Variants in DSE observed in about 807,000 individuals in gnomAD.
DSE encodes the protein dermatan-sulfate epimerase.
DSE carries 36 observed loss-of-function variants against 84.4 expected under a neutral mutation model. The ratio of observed to expected loss-of-function variants is 0.43; its 90% CI spans 0.33 to 0.56. DSE has a LOEUF of 0.56. DSE is among the 20% of genes least tolerant of loss of function. The pLI is 0.06. For synonymous variants in DSE, 410 were observed against 430.1 expected (o/e 0.95, Z 0.58); for missense variants, 862 against 1,169.6 (o/e 0.74, Z 3.84).
At chr6:116,421,461 A>AT (rs1230765123) in intron 2 of DSE, among the ~76,000 whole-genome samples, 20 of 76,422 alleles carry the variant, frequency 2.6e-4, no homozygotes, top group South Asian at 9.6e-4. Flanking sequence ...ATATATATAT[A>AT]TATTTTTTTT....
chr6:116,299,574 A>ACT (rs71012329), intron 2 of DSE, among the ~76,000 whole-genome samples: 5 of 121,284 alleles, frequency 4.1e-5, no homozygotes, highest in African/African-American at 1.2e-4. Flanking sequence ...ACACACACAC[A>ACT]TACATATATA....
chr6:116,431,490 C>CATA (rs1783840195), intron 4 of DSE, among the ~76,000 whole-genome samples: 1 of 151,888 alleles, frequency 6.6e-6, no homozygotes. Context: ...GAGTAATATA[C>CATA]GAACTCATCT....
At chr6:116,358,426 A>C (rs1778696249) in intron 2 of DSE, among the ~76,000 whole-genome samples, 1 of 152,204 alleles carries the variant, frequency 6.6e-6, no homozygotes, top group African/African-American at 2.4e-5. Flanking sequence ...TTCTTTAATT[A>C]ATAAAAATCT....
At chr6:116,375,460 C>A in intron 1 of DSE, 1 of 867,542 alleles carries the variant, frequency 1.2e-6, no homozygotes, top group Non-Finnish European at 1.4e-6. Flanking sequence ...GCTATGGTCA[C>A]ACCACTGCAC....
chr6:116,278,463 G>A, intron 2 of DSE: 2 of 1,610,584 alleles, frequency 1.2e-6, no homozygotes, highest in Non-Finnish European at 1.7e-6. Flanking sequence ...CCAAGCACAG[G>A]TCCAGCAGAA....
chr6:116,390,372 A>G (rs77844768), intron 1 of DSE, among the ~76,000 whole-genome samples: 8,379 of 152,094 alleles, frequency 0.055, 343 homozygotes, highest in Admixed American at 0.13. Flanking sequence ...CTGGCCCATA[A>G]TTCCTGGATT....
At chr6:116,267,133 A>G (rs980960492) in intron 2 of DSE, among the ~76,000 whole-genome samples, 8 of 152,262 alleles carry the variant, frequency 5.3e-5, no homozygotes, top group Non-Finnish European at 1.2e-4. Flanking sequence ...TTGATAAAAC[A>G]TAAATGACTA....
At chr6:116,339,314 CTTTTT>C (rs59525124) in intron 2 of DSE, among the ~76,000 whole-genome samples, 1 of 145,738 alleles carries the variant, frequency 6.9e-6, no homozygotes, top group Non-Finnish European at 1.5e-5. Flanking sequence ...TTCTTCCTTT[CTTTTT>C]TTTTTTTAAT....
intron 2 of DSE, among the ~76,000 whole-genome samples, chr6:116,285,595 C>CA (rs1773847290): frequency 6.6e-6 from 1 of 152,156 alleles, no homozygotes; most frequent in African/African-American, 2.4e-5. Flanking sequence ...AATCCTTGCC[C>CA]ATGCCTATGT....
At chr6:116,411,834 T>C (rs937994478) in intron 2 of DSE, among the ~76,000 whole-genome samples, 5 of 152,330 alleles carry the variant, frequency 3.3e-5, no homozygotes, top group South Asian at 2.1e-4. Context: ...AACCTGTAAC[T>C]TGGTCAGAGA....
intron 2 of DSE, among the ~76,000 whole-genome samples, chr6:116,343,922 C>T (rs1461844719): frequency 6.6e-6 from 1 of 152,110 alleles, no homozygotes; most frequent in Non-Finnish European, 1.5e-5. Context: ...CTAGAATAAA[C>T]AGTGTAGAGA....
At chr6:116,381,793 T>C (rs1780241066) in intron 1 of DSE, among the ~76,000 whole-genome samples, 1 of 152,208 alleles carries the variant, frequency 6.6e-6, no homozygotes, top group Admixed American at 6.5e-5. Flanking sequence ...AGGACTCTAT[T>C]AGTTATCTGC....
At chr6:116,413,149 A>T (rs1425265426) in intron 2 of DSE, among the ~76,000 whole-genome samples, 1 of 152,172 alleles carries the variant, frequency 6.6e-6, no homozygotes. Flanking sequence ...ATAGTAGTGC[A>T]GTGGACGCAC....
chr6:116,353,098 CTA>C (rs1390571977), intron 2 of DSE, among the ~76,000 whole-genome samples: 5 of 152,144 alleles, frequency 3.3e-5, no homozygotes, highest in African/African-American at 1.2e-4. Context: ...TGTTAGCTAA[CTA>C]TTAAAATCTA....
chr6:116,437,345 G>A lies in DSE; in HGVS notation c.2877G>A (p.Ter959=). The change falls in exon 6 of 6, where the codon TAG becomes TAA. Residue 959 remains the stop codon, a stop_retained_variant. Transcript: ENST00000644252. ...CTTCTTGTTCCCAATCACAGTGTTAGCACTGAAGCTATAAATTACCTGGTC... is the reference window on the plus strand; with the variant it reads ...CTTCTTGTTCCCAATCACAGTGTTAACACTGAAGCTATAAATTACCTGGTC... ...LYSSCSQSQC[*] The A allele has an allele frequency of 6.3e-7, 1 of 1,577,736 alleles. No individual in the cohort carries two copies. The highest frequency in any genetic ancestry group is 8.6e-7 in the Non-Finnish European group (1 of 1,163,870).
chr6:116,379,821 A>T (rs569883480), intron 1 of DSE, among the ~76,000 whole-genome samples: 1 of 152,278 alleles, frequency 6.6e-6, no homozygotes, highest in African/African-American at 2.4e-5. Flanking sequence ...ATTTCATCTC[A>T]ACTTGTTAAA....
intron 2 of DSE, among the ~76,000 whole-genome samples, chr6:116,345,612 T>C (rs1032262491): frequency 6.6e-6 from 1 of 151,862 alleles, no homozygotes; most frequent in African/African-American, 2.4e-5. Context: ...GGGACACATT[T>C]AAAGCAGTGT....
chr6:116,315,470 T>A (rs998813122), intron 2 of DSE, among the ~76,000 whole-genome samples: 1 of 152,184 alleles, frequency 6.6e-6, no homozygotes, highest in Non-Finnish European at 1.5e-5. Flanking sequence ...AAACAGAGCC[T>A]GGCAAGCAAT....
intron 2 of DSE, among the ~76,000 whole-genome samples, chr6:116,287,850 GC>G (rs1312165159): frequency 6.6e-6 from 1 of 152,070 alleles, no homozygotes; most frequent in Middle Eastern, 3.2e-3. Flanking sequence ...ATACTGCTAG[GC>G]ATGTCATTCC....
Sources: gnomAD v4.1 joint callset for allele counts (sites outside exome capture counted in the v4.1 genomes callset) on GRCh38, gnomAD v4.1.1 for gene constraint, MANE v1.5 for transcripts, NCBI Gene and HGNC (gene_info 2026-07-23, HGNC 2026-07-21) for gene names.